The following HDAC9 variants were observed in gnomAD, a reference collection of about 807,000 sequenced individuals.
The protein encoded by HDAC9 is histone deacetylase 9, also known as MEF-2 interacting transcription repressor (MITR) protein.
Under a neutral mutation model 139.4 loss-of-function variants are expected in HDAC9, and 41 were observed. The ratio of observed to expected loss-of-function variants is 0.29; its 90% CI spans 0.23 to 0.38. HDAC9 has a LOEUF of 0.38. Ranked by LOEUF, HDAC9 falls within the 10% of genes least tolerant of loss-of-function variation. HDAC9 has a pLI of 1.00. For missense variants in HDAC9, 1,147 were observed against 1,297.0 expected, an observed-to-expected ratio of 0.88 and a Z score of 1.78; for synonymous variants, 517 against 476.2, an observed-to-expected ratio of 1.09 and a Z score of -1.12.
At chr7:18,563,381 C>A (rs1821199978) in intron 2 of HDAC9, among the ~76,000 whole-genome samples, 1 of 151,994 alleles carries the variant, frequency 6.6e-6, no homozygotes, top group Admixed American at 6.6e-5. Context: ...ATATAAGCCT[C>A]CTCCAAAAAT....
chr7:18,694,122 G>A (rs1782863365), intron 12 of HDAC9, among the ~76,000 whole-genome samples: 1 of 152,080 alleles, frequency 6.6e-6, no homozygotes, highest in Admixed American at 6.6e-5. Context: ...ACCAAATGAT[G>A]ACGTTTTTAA....
At chr7:18,945,829 A>G (rs564715242) in intron 23 of HDAC9, among the ~76,000 whole-genome samples, 22 of 151,748 alleles carry the variant, frequency 1.4e-4, no homozygotes, top group South Asian at 4.2e-4. Flanking sequence ...ACGAGGTCAG[A>G]AGTTTGAGAC....
intron 2 of HDAC9, among the ~76,000 whole-genome samples, chr7:18,240,598 T>A (rs953575360): frequency 6.6e-6 from 1 of 152,052 alleles, no homozygotes; most frequent in Non-Finnish European, 1.5e-5. Context: ...ATGATTTAAT[T>A]TTTTTTTGTA....
intron 2 of HDAC9, among the ~76,000 whole-genome samples, chr7:18,552,148 CTT>C (rs1817356922): frequency 6.6e-6 from 1 of 152,022 alleles, no homozygotes; most frequent in African/African-American, 2.4e-5. Flanking sequence ...AGCTTACACT[CTT>C]ATTGAATTTG....
chr7:18,576,490 C>T (rs769473627), intron 2 of HDAC9, among the ~76,000 whole-genome samples: 3 of 151,826 alleles, frequency 2.0e-5, no homozygotes, highest in Admixed American at 6.6e-5. Context: ...AGTAAAACCC[C>T]ATCTCCACTA....
intron 6 of HDAC9, among the ~76,000 whole-genome samples, chr7:18,612,637 A>G (rs1837477688): frequency 6.9e-6 from 1 of 144,926 alleles, no homozygotes; most frequent in Non-Finnish European, 1.5e-5. Flanking sequence ...AATGTTGGCT[A>G]TTTCATAGGT....
chr7:18,952,694 G>A (rs1161687929), intron 23 of HDAC9, among the ~76,000 whole-genome samples: 1 of 152,012 alleles, frequency 6.6e-6, no homozygotes, highest in East Asian at 1.9e-4. Flanking sequence ...AGTTAAGAGA[G>A]TGTTACTAGA....
At chr7:18,898,595 AACTCAGAGAAAGGGTATGT>A (rs760068887) in intron 22 of HDAC9, among the ~76,000 whole-genome samples, 1 of 151,918 alleles carries the variant, frequency 6.6e-6, no homozygotes, top group African/African-American at 2.4e-5. Context: ...CTAAGTTACA[AACTCAGAGAAAGGGTATGT>A]ACTCAGAGAA....
chr7:18,268,812 G>T (rs1167704666), intron 2 of HDAC9, among the ~76,000 whole-genome samples: 1 of 152,148 alleles, frequency 6.6e-6, no homozygotes, highest in Non-Finnish European at 1.5e-5. Flanking sequence ...TACTTAAATG[G>T]ATAACCACTT....
At chr7:18,375,495 A>C (rs1048721613) in intron 1 of HDAC9, among the ~76,000 whole-genome samples, 2 of 151,990 alleles carry the variant, frequency 1.3e-5, no homozygotes, top group African/African-American at 2.4e-5. Context: ...CAAAAAAAAA[A>C]CAAAAGAGAA....
chr7:18,475,474 T>C (rs1795043216), intron 1 of HDAC9, among the ~76,000 whole-genome samples: 1 of 152,214 alleles, frequency 6.6e-6, no homozygotes, highest in Non-Finnish European at 1.5e-5. Flanking sequence ...TATCAGAAAT[T>C]ACTTTTATTA....
rs28653029 is a variant in HDAC9, at chr7:18,709,598, T to G, written c.1732-17982T>G. On this transcript the variant is annotated intron_variant, in intron 12 of 25. Coordinates refer to ENST00000686413, the MANE Select transcript of HDAC9 (RefSeq NM_178425.4). ...CCCCAAATATTATAGCTTAATTCACTTATTCAACAAAGATTGATTGGGAAC... is the reference window on the plus strand; with the variant it reads ...CCCCAAATATTATAGCTTAATTCACGTATTCAACAAAGATTGATTGGGAAC... Among the ~76,000 whole-genome samples, 976 of 152,354 alleles carry G rather than the reference T, an allele frequency of 6.4e-3. 12 individuals carry two copies. Among genetic ancestry groups the G allele is most frequent in the African/African-American group, 0.022 (926 of 41,584 alleles).
At chr7:18,311,285 A>G (rs1351324014) in intron 1 of HDAC9, among the ~76,000 whole-genome samples, 1 of 152,058 alleles carries the variant, frequency 6.6e-6, no homozygotes, top group East Asian at 1.9e-4. Context: ...CCCAATGAAA[A>G]AATTGAGATT....
At chr7:18,396,139 CTTCCTTCTTTCCTTGT>C (rs1045917141) in intron 1 of HDAC9, among the ~76,000 whole-genome samples, 1 of 139,134 alleles carries the variant, frequency 7.2e-6, no homozygotes, top group Non-Finnish European at 1.5e-5. Flanking sequence ...CTTGCCTTCC[CTTCCTTCTTTCCTTGT>C]TTCCTTCTTT....
intron 1 of HDAC9, among the ~76,000 whole-genome samples, chr7:18,487,113 A>G (rs1292871495): frequency 6.6e-6 from 1 of 152,078 alleles, no homozygotes; most frequent in East Asian, 1.9e-4. Flanking sequence ...TATAAGGAAA[A>G]AGATACAGAA....
At chr7:18,718,262 C>A (rs1236530778) in intron 12 of HDAC9, among the ~76,000 whole-genome samples, 5 of 152,066 alleles carry the variant, frequency 3.3e-5, no homozygotes, top group Admixed American at 3.3e-4. Context: ...GATGGAGTCG[C>A]GCTCTGTCCC....
chr7:18,317,909 C>G (rs1050845012), intron 1 of HDAC9, among the ~76,000 whole-genome samples: 2 of 152,172 alleles, frequency 1.3e-5, no homozygotes, highest in African/African-American at 4.8e-5. Context: ...CTCTGTCTTG[C>G]ATAAATGGCC....
At chr7:18,690,021 G>T (rs988596167) in intron 12 of HDAC9, among the ~76,000 whole-genome samples, 4 of 151,934 alleles carry the variant, frequency 2.6e-5, no homozygotes, top group Non-Finnish European at 4.4e-5. Flanking sequence ...TCATCAAATG[G>T]CCTAAGCATC....
At chr7:18,963,083 A>G (rs2129329794) in intron 24 of HDAC9, among the ~76,000 whole-genome samples, 1 of 152,346 alleles carries the variant, frequency 6.6e-6, no homozygotes, top group East Asian at 1.9e-4. Context: ...GCTAAAATGT[A>G]ATAGAGTTTG....
Sources: allele counts gnomAD v4.1 joint callset (sites outside exome capture counted in the v4.1 genomes callset), GRCh38; gene constraint gnomAD v4.1.1; transcripts MANE v1.5; gene names NCBI Gene and HGNC (gene_info 2026-07-23, HGNC 2026-07-21).